EMID1: variants seen among roughly 807,000 people sequenced by gnomAD.
The protein encoded by EMID1 is EMI domain-containing protein 1.
In EMID1, 40 loss-of-function variants were observed where a neutral mutation model predicts 60.6. The ratio of observed to expected loss-of-function variants is 0.66; its 90% CI spans 0.51 to 0.86. The LOEUF is 0.86. EMID1 is among the 40% of genes least tolerant of loss of function. EMID1 has a pLI of 0.00. For synonymous variants in EMID1, 242 were observed against 231.0 expected (o/e 1.05, Z -0.43); for missense variants, 585 against 597.1 (o/e 0.98, Z 0.21).
intron 3 of EMID1, among the ~76,000 whole-genome samples, chr22:29,218,601 A>G (rs570784198): frequency 6.6e-6 from 1 of 152,294 alleles, no homozygotes; most frequent in South Asian, 2.1e-4. Context: ...GGCTTATCAG[A>G]AACAATGGGT....
At position 29,259,041 on chromosome 22, in the gene EMID1, T is replaced by C. The variant is rs1386142450; in HGVS notation, c.*97T>C. 12 of 1,520,690 alleles carry C rather than the reference T, an allele frequency of 7.9e-6. No individual in the cohort carries two copies. The highest frequency in any genetic ancestry group is 1.2e-5 in the South Asian group (1 of 81,624). 94.2% of individuals were successfully genotyped at this position (1,520,690 alleles called of 1,614,324 possible). A position where few individuals can be genotyped will look rare whatever the true frequency, so the allele number is the denominator to read the frequency against. ...GGGACCGCCCGTCCATATTTATTAA[T>C]GTCCTCAGGGTCCCTTCTGCCATCT... On this transcript the variant is annotated 3_prime_UTR_variant, in exon 15 of 15. Transcript: ENST00000334018.
At chr22:29,253,649 A>T (rs1167795757) in intron 13 of EMID1, among the ~76,000 whole-genome samples, 5 of 152,242 alleles carry the variant, frequency 3.3e-5, no homozygotes, top group Non-Finnish European at 7.3e-5. Flanking sequence ...ATGAAATCCC[A>T]TTGAAAGTCA....
chr22:29,213,828 C>T (rs898604187), intron 1 of EMID1, among the ~76,000 whole-genome samples: 1 of 152,152 alleles, frequency 6.6e-6, no homozygotes, highest in Non-Finnish European at 1.5e-5. Flanking sequence ...CAGACCGTGG[C>T]TCAAGGAGAT....
At chr22:29,224,674 C>T (rs1230116841) in intron 3 of EMID1, among the ~76,000 whole-genome samples, 1 of 152,278 alleles carries the variant, frequency 6.6e-6, no homozygotes, top group Non-Finnish European at 1.5e-5. Flanking sequence ...GTGCCAGTCC[C>T]TGTGTGTGCA....
At chr22:29,246,566 G>C (rs1049929224) in intron 13 of EMID1, among the ~76,000 whole-genome samples, 3 of 152,158 alleles carry the variant, frequency 2.0e-5, no homozygotes, top group African/African-American at 7.2e-5. Flanking sequence ...GGAGTCAAGG[G>C]AGACTTAAAA....
intron 4 of EMID1, 92 bp from the exon 5 acceptor site, chr22:29,226,398 G>A (rs929691471): frequency 6.3e-6 from 9 of 1,427,964 alleles, no homozygotes; most frequent in African/African-American, 4.3e-5. Context: ...GGTATCTGAC[G>A]CTTTCCTCCA....
chr22:29,258,163 T>C (rs773050630), intron 14 of EMID1, among the ~76,000 whole-genome samples: 18 of 152,208 alleles, frequency 1.2e-4, no homozygotes, highest in Non-Finnish European at 2.4e-4. Context: ...AAACAGCCTA[T>C]TCTTCTGACC....
chr22:29,211,764 T>C lies in EMID1; in HGVS notation c.102-3162T>C, dbSNP rs2039893555. ...CTGTCTCCAGAGCTTCCGACTGTCC[T>C]CTGCCCAGATTGTCCTCTTCCTCCC... On this transcript the variant is annotated intron_variant, in intron 1 of 14. Transcript: ENST00000334018. Among the ~76,000 whole-genome samples the C allele has an allele frequency of 2.6e-5, 4 of 152,246 alleles. No homozygotes were observed. The East Asian group carries it at 7.7e-4, about 29-fold the overall frequency.
At chr22:29,234,915 G>A (rs2146318996) in intron 12 of EMID1, among the ~76,000 whole-genome samples, 1 of 151,700 alleles carries the variant, frequency 6.6e-6, no homozygotes, top group Admixed American at 6.6e-5. Flanking sequence ...GCTGGGTGTG[G>A]TGGCTCACAC....
chr22:29,255,442 C>T (rs181888267), intron 14 of EMID1: 63 of 1,049,152 alleles, frequency 6.0e-5, no homozygotes, highest in African/African-American at 4.2e-4. Context: ...AGGCGCCTTC[C>T]GATGCTTGGC....
chr22:29,222,920 C>T (rs1055134701), intron 3 of EMID1, among the ~76,000 whole-genome samples: 6 of 151,992 alleles, frequency 3.9e-5, no homozygotes, highest in South Asian at 2.1e-4. Flanking sequence ...TGAAACCCCA[C>T]CTCTACTAAA....
intron 3 of EMID1, among the ~76,000 whole-genome samples, chr22:29,220,106 A>C (rs116648236): frequency 5.8e-4 from 88 of 151,566 alleles, no homozygotes; most frequent in African/African-American, 2.0e-3. Flanking sequence ...CCCTGCCTGC[A>C]TCCCCTGAAC....
chr22:29,229,559 C>A (rs2146275944), intron 5 of EMID1, among the ~76,000 whole-genome samples: 1 of 150,652 alleles, frequency 6.6e-6, no homozygotes, highest in Non-Finnish European at 1.5e-5. Context: ...AGGAGAATTG[C>A]TTGAACCTGG....
At chr22:29,227,704 CAAAAAAAAAA>C (rs560219761) in intron 5 of EMID1, among the ~76,000 whole-genome samples, 1 of 88,954 alleles carries the variant, frequency 1.1e-5, no homozygotes. Flanking sequence ...GACTCTGTCT[CAAAAAAAAAA>C]AAAAAAAAAA....
intron 1 of EMID1, among the ~76,000 whole-genome samples, chr22:29,208,614 C>T (rs748432873): frequency 6.6e-6 from 1 of 152,240 alleles, no homozygotes; most frequent in Non-Finnish European, 1.5e-5. Flanking sequence ...GCCCCAGCCT[C>T]TGTCTAGGGG....
At position 29,231,888 on chromosome 22, in the gene EMID1, C is replaced by A. The variant is rs142740010; in HGVS notation, c.676+206C>A. 2,848 of 568,990 alleles carry A rather than the reference C, an allele frequency of 5.0e-3. 33 individuals carry two copies. The highest frequency in any genetic ancestry group is 0.011 in the South Asian group (417 of 37,756). The allele number at this position is 568,990 out of a possible 1,614,324, so 35.2% of individuals were successfully genotyped here. A position where few individuals can be genotyped will look rare whatever the true frequency, so the allele number is the denominator to read the frequency against. On this transcript the variant is annotated intron_variant, in intron 7 of 14. Transcript: ENST00000334018. ...TCACTGACCCACATTCCCTGGGCAC[C>A]TACACTTATCAGGCTCTGAGCTGGG...
intron 6 of EMID1, 160 bp from the exon 7 acceptor site, chr22:29,231,433 C>A (rs1222542475): frequency 1.2e-6 from 1 of 854,718 alleles, no homozygotes; most frequent in South Asian, 1.4e-5. Flanking sequence ...GGGACACTGA[C>A]CTCTGCCTAC....
intron 1 of EMID1, among the ~76,000 whole-genome samples, chr22:29,213,756 C>T (rs2039979877): frequency 6.6e-6 from 1 of 152,188 alleles, no homozygotes; most frequent in Non-Finnish European, 1.5e-5. Flanking sequence ...CCCTCCCAGA[C>T]TTTCTTCCTG....
intron 3 of EMID1, among the ~76,000 whole-genome samples, chr22:29,216,150 T>C (rs1423292182): frequency 1.3e-5 from 2 of 152,150 alleles, no homozygotes; most frequent in African/African-American, 4.8e-5. Flanking sequence ...GCTGGGCCCT[T>C]GTGTGCAGAG....
Sources: allele counts gnomAD v4.1 joint callset (sites outside exome capture counted in the v4.1 genomes callset), GRCh38; gene constraint gnomAD v4.1.1; transcripts MANE v1.5; gene names NCBI Gene and HGNC (gene_info 2026-07-23, HGNC 2026-07-21).